The following METTL21A variants were observed in gnomAD, a reference collection of about 807,000 sequenced individuals.
The protein encoded by METTL21A is methyltransferase 21A, HSPA lysine.
Under a neutral mutation model 20.9 loss-of-function variants are expected in METTL21A, and 22 were observed. That is an observed-to-expected ratio of 1.05 (90% CI 0.75 to 1.50). METTL21A has a LOEUF of 1.50. Among genes scored for constraint, METTL21A ranks in the 40% most tolerant of loss-of-function variants. The probability of loss-of-function intolerance (pLI) is 0.00; values close to 1 mark genes in which losing one functional copy is unlikely to be tolerated. For missense variants in METTL21A, 271 were observed against 266.8 expected, an observed-to-expected ratio of 1.02 and a Z score of -0.11; for synonymous variants, 93 against 102.0, an observed-to-expected ratio of 0.91 and a Z score of 0.53.
rs866281410 is a variant in METTL21A at position 207,620,242 on chromosome 2, G to A, written c.259+1564C>T. Among the ~76,000 whole-genome samples the A allele has an allele frequency of 3.3e-4, 50 of 152,178 alleles. 1 individual carries two copies. Among genetic ancestry groups the A allele is most frequent in the African/African-American group, 4.3e-4 (18 of 41,526 alleles). On this transcript the variant is annotated intron_variant, in intron 3 of 3. Transcript: ENST00000406927. ...GCAGATCACCTGAGGTCAGGAGTTC[G>A]AGACCAGCCTGGCCAACATGGTAAA...
chr2:207,605,571 GTGTTA>G (rs72258540), downstream of METTL21A, among the ~76,000 whole-genome samples: 10,229 of 152,070 alleles, frequency 0.067, 1,154 homozygotes, highest in African/African-American at 0.23. Flanking sequence ...GAAGTTTTTT[GTGTTA>G]TGTTTTTTGT....
At chr2:207,608,817 C>T (rs2088518936), downstream of METTL21A, among the ~76,000 whole-genome samples, 1 of 152,150 alleles carries the variant, frequency 6.6e-6, no homozygotes, top group African/African-American at 2.4e-5. Context: ...GTCCCAGCTA[C>T]TCGGGAGGCT....
At position 207,624,409 on chromosome 2, in the gene METTL21A, C is replaced by A. The variant is rs1240739812; in HGVS notation, c.-29-5G>T. The A allele has an allele frequency of 3.8e-6, 6 of 1,593,016 alleles. No homozygotes were observed. Among genetic ancestry groups the A allele is most frequent in the South Asian group, 1.1e-5 (1 of 88,648 alleles). On this transcript the variant is annotated splice_polypyrimidine_tract_variant and splice_region_variant and intron_variant, in intron 1 of 3. Transcript: ENST00000406927. ...CACCCCGCCCTCTGCTCAGACCTGC[C>A]GTGCAAAAGAATCCTGGGTGACGCT... is the stretch of plus-strand genomic sequence containing the variant.
intron 3 of METTL21A, among the ~76,000 whole-genome samples, chr2:207,590,083 GTTTTTTT>G (rs59126515): frequency 1.3e-5 from 1 of 76,148 alleles, no homozygotes; most frequent in African/African-American, 4.8e-5. Flanking sequence ...ATTTTGAGAA[GTTTTTTT>G]TTTTTTTTTT....
In METTL21A at chr2:207,624,422, C is replaced by T; in HGVS notation, c.-29-18G>A. On this transcript the variant is annotated intron_variant, in intron 1 of 3. Coordinates refer to ENST00000406927, the Ensembl canonical transcript of METTL21A. ...GCTCAGACCTGCCGTGCAAAAGAATCCTGGGTGACGCTCTGGCCAAAAGAT... is the reference window on the plus strand; with the variant it reads ...GCTCAGACCTGCCGTGCAAAAGAATTCTGGGTGACGCTCTGGCCAAAAGAT... 1.3e-6 allele frequency: 2 copies of T among 1,578,522 alleles called. No homozygotes were observed. The highest frequency in any genetic ancestry group is 1.7e-6 in the Non-Finnish European group (2 of 1,165,112).
At chr2:207,618,197 C>G (rs1226987807) in intron 3 of METTL21A, among the ~76,000 whole-genome samples, 1 of 152,134 alleles carries the variant, frequency 6.6e-6, no homozygotes, top group Admixed American at 6.5e-5. Flanking sequence ...TTCAGATTCC[C>G]TGACCCCATC....
chr2:207,592,775 T>C (rs1459827977), intron 3 of METTL21A, among the ~76,000 whole-genome samples: 1 of 152,030 alleles, frequency 6.6e-6, no homozygotes, highest in Non-Finnish European at 1.5e-5. Context: ...AAAAATTAGC[T>C]GGCCATGGTG....
intron 3 of METTL21A, among the ~76,000 whole-genome samples, chr2:207,585,583 A>C (rs1344890497): frequency 6.6e-6 from 1 of 152,214 alleles, no homozygotes; most frequent in African/African-American, 2.4e-5. Context: ...ATCTCAAAGA[A>C]CCAGGTAATC....
chr2:207,619,070 G>T (rs1298745271), intron 3 of METTL21A, among the ~76,000 whole-genome samples: 1 of 152,012 alleles, frequency 6.6e-6, no homozygotes, highest in African/African-American at 2.4e-5. Flanking sequence ...AGAATGAAAG[G>T]GTGTAATGCA....
At chr2:207,592,879 C>T (rs1390809711) in intron 3 of METTL21A, among the ~76,000 whole-genome samples, 1 of 93,312 alleles carries the variant, frequency 1.1e-5, no homozygotes, top group African/African-American at 4.2e-5. Flanking sequence ...CACCACTGCA[C>T]TCCAGCCTGG....
chr2:207,615,648 A>C (rs1311560420), intron 3 of METTL21A: 4 of 151,476 alleles, frequency 2.6e-5, no homozygotes, highest in Non-Finnish European at 5.9e-5. Context: ...GTGAGCCGAG[A>C]TCATACCACT....
chr2:207,582,994 GTT>G (rs1559059537), intron 3 of METTL21A: 1 of 153,998 alleles, frequency 6.5e-6, no homozygotes, highest in Non-Finnish European at 1.5e-5. Context: ...TTTATATATA[GTT>G]GGCTCTGTTT....
chr2:207,614,385 A>C (rs1032639291), intron 3 of METTL21A, among the ~76,000 whole-genome samples: 4 of 152,154 alleles, frequency 2.6e-5, no homozygotes, highest in African/African-American at 9.7e-5. Flanking sequence ...AGTCTCAAAA[A>C]AAAAAAAAAT....
intron 3 of METTL21A, among the ~76,000 whole-genome samples, chr2:207,590,180 C>G (rs2084742679): frequency 7.1e-6 from 1 of 141,216 alleles, no homozygotes; most frequent in Non-Finnish European, 1.5e-5. Context: ...AGACATTGGT[C>G]CATTTCTTCA....
intron 1 of METTL21A, 162 bp from the exon 2 acceptor site, chr2:207,624,566 C>CT: frequency 3.5e-6 from 2 of 569,184 alleles, no homozygotes; most frequent in Non-Finnish European, 2.9e-6. Flanking sequence ...TCTTCCGAAT[C>CT]TGAGTGAGAT....
At chr2:207,608,858 C>G (rs775641887), downstream of METTL21A, among the ~76,000 whole-genome samples, 1 of 152,180 alleles carries the variant, frequency 6.6e-6, no homozygotes, top group Non-Finnish European at 1.5e-5. Context: ...ATACGGGAGG[C>G]GGAGCTTGCA....
chr2:207,613,237 G>A, exon 4 of METTL21A: 1 of 1,613,256 alleles, frequency 6.2e-7, no homozygotes, highest in Non-Finnish European at 8.5e-7. Flanking sequence ...AGTGTCTGAA[G>A]AAGATCTGTG....
At chr2:207,597,011 G>A in intron 3 of METTL21A, 1 of 1,612,356 alleles carries the variant, frequency 6.2e-7, no homozygotes, top group Non-Finnish European at 8.5e-7. Flanking sequence ...GACATTGATT[G>A]AGGAGCTAAA....
intron 2 of METTL21A, 35 bp from the exon 3 acceptor site, chr2:207,621,952 C>G: frequency 6.3e-6 from 10 of 1,584,224 alleles, no homozygotes; most frequent in Non-Finnish European, 7.8e-6. Flanking sequence ...CGATTAAGGT[C>G]AACATGTGCT....
Sources: gnomAD v4.1 joint callset for allele counts (sites outside exome capture counted in the v4.1 genomes callset) on GRCh38, gnomAD v4.1.1 for gene constraint, MANE v1.5 for transcripts, NCBI Gene and HGNC (gene_info 2026-07-23, HGNC 2026-07-21) for gene names.